The following PIK3CD variants were observed in gnomAD, a reference collection of about 807,000 sequenced individuals.
PIK3CD encodes the protein phosphatidylinositol-4,5-bisphosphate 3-kinase catalytic subunit delta, also known as phosphatidylinositol 4,5-bisphosphate 3-kinase catalytic subunit delta isoform.
Under a neutral mutation model 122.9 loss-of-function variants are expected in PIK3CD, and 20 were observed. The observed-to-expected ratio is 0.16, with a 90% CI of 0.11 to 0.24. PIK3CD has a LOEUF of 0.24. Among genes scored for constraint, PIK3CD ranks in the 10% least tolerant of loss-of-function variants. The pLI, the probability that PIK3CD is intolerant of heterozygous loss-of-function variation, is 1.00. For synonymous variants in PIK3CD, 596 were observed against 593.4 expected (o/e 1.00, Z -0.06); for missense variants, 787 against 1,406.3 (o/e 0.56, Z 7.04).
rs1218919870 is a variant in PIK3CD at position 9,700,807 on chromosome 1, C to T, written c.-33+9236C>T. 6.6e-6 allele frequency among the ~76,000 whole-genome samples: 1 copy of T among 152,134 alleles called. No homozygotes were observed. The highest frequency in any genetic ancestry group is 2.4e-5 in the African/African-American group (1 of 41,412). On this transcript the variant is annotated intron_variant, in intron 2 of 23. Coordinates refer to ENST00000377346, the MANE Select transcript of PIK3CD (RefSeq NM_005026.5). This position sits in a 1 kb window ranked among gnomAD's most constrained non-coding sequence, Gnocchi z 5.1. Reference sequence around the variant, plus strand: ...ATCCCACCAGAAATCTCTTCCTTTCCTGTCTCAGTAAATTCCCACCACCAC... The same window carrying T: ...ATCCCACCAGAAATCTCTTCCTTTCTTGTCTCAGTAAATTCCCACCACCAC...
chr1:9,684,546 AAAAAAAG>A (rs1645890798), intron 1 of PIK3CD, among the ~76,000 whole-genome samples: 2 of 149,678 alleles, frequency 1.3e-5, no homozygotes, highest in Non-Finnish European at 3.0e-5. Flanking sequence ...CAAAAAAAAA[AAAAAAAG>A]AAAAAAGAAA....
intron 5 of PIK3CD, 117 bp from the exon 6 acceptor site, chr1:9,716,323 G>A (rs1377147897): frequency 3.0e-6 from 3 of 994,802 alleles, no homozygotes; most frequent in African/African-American, 3.2e-5. Context: ...ATATTTCCCA[G>A]TGTCATTTGT....
At chr1:9,646,248 C>G in the PIK3CD span, among the ~76,000 whole-genome samples, 1 of 152,200 alleles carries the variant, frequency 6.6e-6, no homozygotes, top group East Asian at 1.9e-4. Flanking sequence ...ATTTACCTTG[C>G]TGGGCGGTTG....
At chr1:9,690,051 G>C (rs1166815817) in intron 1 of PIK3CD, among the ~76,000 whole-genome samples, 1 of 152,174 alleles carries the variant, frequency 6.6e-6, no homozygotes, top group Admixed American at 6.5e-5. Flanking sequence ...GGCTTCGCAC[G>C]AGGACGCGCC....
At chr1:9,721,367 T>C in intron 14 of PIK3CD, 77 bp from the exon 15 acceptor site, 1 of 1,608,282 alleles carries the variant, frequency 6.2e-7, no homozygotes, top group Non-Finnish European at 8.5e-7. Context: ...CTGCCTGGCC[T>C]CCCTCTGGCT....
intron 1 of PIK3CD, among the ~76,000 whole-genome samples, chr1:9,674,623 G>T (rs1357248547): frequency 6.7e-6 from 1 of 150,110 alleles, no homozygotes; most frequent in Non-Finnish European, 1.5e-5. Context: ...CGGAGAGGTG[G>T]AGGCTGCAGT....
chr1:9,679,879 C>T (rs1645683677), intron 1 of PIK3CD, among the ~76,000 whole-genome samples: 1 of 152,190 alleles, frequency 6.6e-6, no homozygotes, highest in Non-Finnish European at 1.5e-5. Flanking sequence ...GGCTGAAGTG[C>T]AGTGGCGTGA....
chr1:9,653,885 C>A (rs1458911144), intron 1 of PIK3CD: 4 of 1,367,338 alleles, frequency 2.9e-6, no homozygotes, highest in Non-Finnish European at 3.9e-6. Flanking sequence ...ATGGAAGACA[C>A]TGGAGTGGGC....
chr1:9,646,159 T>C, the PIK3CD span, among the ~76,000 whole-genome samples: 2 of 152,098 alleles, frequency 1.3e-5, no homozygotes, highest in African/African-American at 4.8e-5. Context: ...TTATAATAGA[T>C]ATTTATAGAC....
chr1:9,638,755 A>C, the PIK3CD span, among the ~76,000 whole-genome samples: 47 of 138,742 alleles, frequency 3.4e-4, no homozygotes, highest in African/African-American at 1.2e-3. Flanking sequence ...AAAAAACTTC[A>C]ATCATCTGAC....
chr1:9,723,666 C>T lies in PIK3CD; in HGVS notation c.2595-303C>T, dbSNP rs1649044157. On this transcript the variant is annotated intron_variant, in intron 20 of 23. Coordinates refer to ENST00000377346, the MANE Select transcript of PIK3CD (RefSeq NM_005026.5). The surrounding 1 kb of genome is among the most constrained non-coding windows in gnomAD (Gnocchi z 4.9). ...CAGTGGGGTCTGAGATAACCCATCT[C>T]ATTCCTGGGGCCTTGGCGCCAGCTG... 6.6e-6 allele frequency among the ~76,000 whole-genome samples: 1 copy of T among 152,188 alleles called. No individual in the cohort carries two copies. The highest frequency in any genetic ancestry group is 1.5e-5 in the Non-Finnish European group (1 of 68,028).
intron 1 of PIK3CD, among the ~76,000 whole-genome samples, chr1:9,661,343 G>A (rs1645003470): frequency 6.6e-6 from 1 of 151,892 alleles, no homozygotes; most frequent in African/African-American, 2.4e-5. Context: ...GCCTCCCAAA[G>A]TGCTGGGATT....
the PIK3CD span, among the ~76,000 whole-genome samples, chr1:9,627,735 T>C: frequency 6.6e-6 from 1 of 152,152 alleles, no homozygotes; most frequent in African/African-American, 2.4e-5. Context: ...GCCTCCCTTA[T>C]CGCGGCCACC....
chr1:9,692,455 C>A (rs573549362), intron 2 of PIK3CD, among the ~76,000 whole-genome samples: 9 of 152,036 alleles, frequency 5.9e-5, no homozygotes, highest in African/African-American at 1.2e-4. Flanking sequence ...GGCCGGGTGC[C>A]GTGGCTCATG....
Position 9,718,138 on chromosome 1 carries a change from ATGATACC to A in PIK3CD, c.1020+516_1020+522del. 2.2e-6 allele frequency: 1 copy of A among 463,104 alleles called. No homozygotes were observed. Among genetic ancestry groups the A allele is most frequent in the Non-Finnish European group, 4.3e-6 (1 of 231,768 alleles). The allele number at this position is 463,104 out of a possible 1,614,324, so 28.7% of individuals were successfully genotyped here. On this transcript the variant is annotated intron_variant, in intron 8 of 23. Coordinates refer to ENST00000377346, the MANE Select transcript of PIK3CD (RefSeq NM_005026.5). The surrounding 1 kb of genome is among the most constrained non-coding windows in gnomAD (Gnocchi z 7.2). ...GGCTTTATTGTCCTGTTTGCTGGAC[ATGATACC>A]TGAGTCCTCAGAGGTTGGCCCTCCT...
At chr1:9,654,228 C>T (rs1644769408) in intron 1 of PIK3CD, 18 of 1,367,568 alleles carry the variant, frequency 1.3e-5, no homozygotes, top group Non-Finnish European at 1.8e-5. Context: ...GGCACGTGCC[C>T]CAGAGGTACT....
chr1:9,662,958 G>T (rs1050580899), intron 1 of PIK3CD, among the ~76,000 whole-genome samples: 10 of 152,154 alleles, frequency 6.6e-5, no homozygotes, highest in Non-Finnish European at 1.3e-4. Context: ...CGAAGTGCTG[G>T]GATGACAGGC....
In PIK3CD at chr1:9,702,590, G is replaced by A. The variant is rs1570303123; in HGVS notation, c.-32-7834G>A. Among the ~76,000 whole-genome samples the A allele has an allele frequency of 1.6e-5, 2 of 126,976 alleles. 1 individual carries two copies. Among genetic ancestry groups the A allele is most frequent in the South Asian group, 5.4e-4 (2 of 3,692 alleles). 83.3% of individuals were successfully genotyped at this position (126,976 alleles called of 152,430 possible). On this transcript the variant is annotated intron_variant, in intron 2 of 23. Coordinates refer to ENST00000377346, the MANE Select transcript of PIK3CD (RefSeq NM_005026.5). ...GGCTGGAGTGCAGTGGCGCCATCTC[G>A]GCCCACTGCAAACTCCGCCTCCTGG... is the stretch of plus-strand genomic sequence containing the variant.
chr1:9,720,071 G>T lies in PIK3CD; in HGVS notation c.1340-41G>T. ...TTGGGAGTGTGAGGGTCCCAGAGAT[G>T]CTGGTCACCCCTCTACAACTTCATC... On this transcript the variant is annotated intron_variant, in intron 10 of 23. Transcript: ENST00000377346. The surrounding 1 kb of genome is among the most constrained non-coding windows in gnomAD (Gnocchi z 9.0). 6.2e-7 allele frequency: 1 copy of T among 1,613,380 alleles called. No individual in the cohort carries two copies. The highest frequency in any genetic ancestry group is 8.5e-7 in the Non-Finnish European group (1 of 1,180,002).
Sources: gnomAD v4.1 joint callset for allele counts (sites outside exome capture counted in the v4.1 genomes callset) on GRCh38, gnomAD v4.1.1 for gene constraint, Gnocchi (gnomAD v3.1) non-coding constraint, MANE v1.5 for transcripts, NCBI Gene and HGNC (gene_info 2026-07-23, HGNC 2026-07-21) for gene names.